Variants in COL20A1 observed in about 807,000 individuals in gnomAD.
COL20A1 encodes the protein collagen type XX alpha 1 chain.
A neutral mutation model predicts 152.9 loss-of-function variants in COL20A1; 164 were observed. That is an observed-to-expected ratio of 1.07 (90% confidence interval 0.94 to 1.22). The LOEUF is 1.22. COL20A1 is among the 50% of genes most tolerant of loss of function. COL20A1 has a pLI of 0.00. For synonymous variants in COL20A1, 864 were observed against 756.0 expected (o/e 1.14, Z -2.34); for missense variants, 1,873 against 1,744.8 (o/e 1.07, Z -1.31).
At chr20:63,321,961 C>T (rs539228701) in intron 26 of COL20A1, 97 bp from the exon 27 acceptor site, 77 of 976,056 alleles carry the variant, frequency 7.9e-5, no homozygotes, top group South Asian at 3.4e-4. Context: ...GGGCATGGGG[C>T]TCAGGGTGGG....
chr20:63,293,794 TG>T lies in COL20A1; in HGVS notation c.-11+521del, dbSNP rs1381777699. 2.0e-5 allele frequency among the ~76,000 whole-genome samples: 3 copies of T among 149,658 alleles called. No homozygotes were observed. The East Asian group carries it at 6.1e-4, about 31-fold the overall frequency. On this transcript the variant is annotated intron_variant, in intron 1 of 35. Coordinates refer to ENST00000358894, the MANE Select transcript of COL20A1 (RefSeq NM_020882.4). ...GCATGAAATCCCTGATTTAAGCCGGTGGCTTTCCCGCCGGGTGAGGCCTTTC... is the reference window on the plus strand; with the variant it reads ...GCATGAAATCCCTGATTTAAGCCGGTGCTTTCCCGCCGGGTGAGGCCTTTC...
chr20:63,303,427 C>T (rs189337966), intron 3 of COL20A1, among the ~76,000 whole-genome samples: 36 of 152,202 alleles, frequency 2.4e-4, no homozygotes, highest in African/African-American at 8.2e-4. Context: ...CGTGTTTGTG[C>T]AGGAAGCCTT....
At chr20:63,327,115 G>A (rs1267565447) in intron 31 of COL20A1, 1 of 359,244 alleles carries the variant, frequency 2.8e-6, no homozygotes, top group Non-Finnish European at 5.0e-6. Context: ...GACTGCCAGG[G>A]ACTTCCTGTT....
chr20:63,316,815 CTG>C, intron 21 of COL20A1, 124 bp downstream of exon 21: 2 of 921,072 alleles, frequency 2.2e-6, no homozygotes, highest in South Asian at 2.2e-5. Flanking sequence ...CAGGGCAGCG[CTG>C]CTATGTCAGC....
rs1324706409 is a variant in COL20A1 at position 63,297,903 on chromosome 20, T to C, written c.83-7T>C. On this transcript the variant is annotated splice_region_variant and splice_polypyrimidine_tract_variant and intron_variant, in intron 2 of 35. Coordinates refer to ENST00000358894, the MANE Select transcript of COL20A1 (RefSeq NM_020882.4). Reference sequence around the variant, plus strand: ...TCAGTCCTGACCACTATGTCCTGTTTCTGTAGCAAGCGGTCTCCTGAGGCT... The same window carrying C: ...TCAGTCCTGACCACTATGTCCTGTTCCTGTAGCAAGCGGTCTCCTGAGGCT... 1 of 1,611,888 alleles carries C rather than the reference T, an allele frequency of 6.2e-7. No individual in the cohort carries two copies. The highest frequency in any genetic ancestry group is 8.5e-7 in the Non-Finnish European group (1 of 1,178,600).
chr20:63,310,058 G>C, intron 10 of COL20A1, 143 bp downstream of exon 10: 1 of 830,328 alleles, frequency 1.2e-6, no homozygotes, highest in Non-Finnish European at 1.8e-6. Context: ...GACAGCCCAG[G>C]GACTCACTGG....
chr20:63,327,986 A>G lies in COL20A1; in HGVS notation c.3563A>G (p.Lys1188Arg), dbSNP rs1225249004. The change falls in exon 32 of 36, where the codon AAG becomes AGG. Residue 1188 changes from lysine (K) to arginine (R), a missense_variant and splice_region_variant. Lys to Arg is a conservative substitution (Grantham distance 26). Coordinates refer to ENST00000358894, the MANE Select transcript of COL20A1 (RefSeq NM_020882.4). ...GGGCCCAAAGGGGAACGAGGAGAGA[A>G]GGTAAGTGAGGCTGAGATCTTTGGC... ...LPGPKGERGEKGEPQSLATLY... is the reference protein window; with the variant it reads ...LPGPKGERGERGEPQSLATLY... The G allele has an allele frequency of 6.2e-7, 1 of 1,608,948 alleles. No homozygotes were observed. Among genetic ancestry groups the G allele is most frequent in the African/African-American group, 1.3e-5 (1 of 74,868 alleles).
At chr20:63,307,405 G>C in intron 5 of COL20A1, 85 bp from the exon 6 acceptor site, 1 of 1,344,874 alleles carries the variant, frequency 7.4e-7, no homozygotes, top group Non-Finnish European at 1.0e-6. Context: ...TCACTCTTGT[G>C]GCTGGAGCCC....
intron 3 of COL20A1, among the ~76,000 whole-genome samples, chr20:63,298,267 T>C (rs967305825): frequency 6.6e-6 from 1 of 152,192 alleles, no homozygotes; most frequent in Admixed American, 6.5e-5. Context: ...GTACATACTT[T>C]TAATTTTTTT....
At chr20:63,328,934 G>A (rs1445855388) in intron 34 of COL20A1, among the ~76,000 whole-genome samples, 4 of 152,088 alleles carry the variant, frequency 2.6e-5, no homozygotes, top group Admixed American at 6.5e-5. Context: ...GACCTTGTTG[G>A]TGCTCCTCCT....
chr20:63,319,686 C>A lies in COL20A1; in HGVS notation c.2916+90C>A. 1.2e-6 allele frequency: 1 copy of A among 836,632 alleles called. No homozygotes were observed. The highest frequency in any genetic ancestry group is 1.6e-5 in the South Asian group (1 of 63,406). The allele number at this position is 836,632 out of a possible 1,614,324, so 51.8% of individuals were successfully genotyped here. A position where few individuals can be genotyped will look rare whatever the true frequency, so the allele number is the denominator to read the frequency against. On this transcript the variant is annotated intron_variant, in intron 23 of 35. Transcript: ENST00000358894. The surrounding 1 kb of genome is among the most constrained non-coding windows in gnomAD (Gnocchi z 4.4). Reference sequence around the variant, plus strand: ...GGACCTGCCGGATGCCAACTCCTCTCCCTAGGAGAGCAGGACCTTCCTTGG... The same window carrying A: ...GGACCTGCCGGATGCCAACTCCTCTACCTAGGAGAGCAGGACCTTCCTTGG...
intron 2 of COL20A1, among the ~76,000 whole-genome samples, chr20:63,296,845 C>T (rs1170076659): frequency 6.6e-6 from 1 of 152,146 alleles, no homozygotes; most frequent in African/African-American, 2.4e-5. Flanking sequence ...GCCCCCCAGC[C>T]CCTGCTCTTC....
At chr20:63,327,564 A>G in intron 31 of COL20A1, 1 of 220,716 alleles carries the variant, frequency 4.5e-6, no homozygotes, top group South Asian at 7.8e-5. Flanking sequence ...GGAGCTGGGG[A>G]GGTGGAAGAA....
In COL20A1 at chr20:63,320,090, A is replaced by T; in HGVS notation, c.2968A>T (p.Lys990Ter). 2 of 1,554,940 alleles carry T rather than the reference A, an allele frequency of 1.3e-6. No homozygotes were observed. Among genetic ancestry groups the T allele is most frequent in the African/African-American group, 1.4e-5 (1 of 73,342 alleles). ...SKVRLYVDCRKVAERPLGEMG... is the reference protein window; with the variant it reads ...SKVRLYVDCR ...GGTCAGGCTCTATGTGGACTGCCGG[A>T]AGGTGGCTGAGCGGCCCCTTGGGGA... The change falls in exon 24 of 36, where the codon AAG becomes TAG. Residue 990 changes from lysine to a stop codon, truncating the protein, a stop_gained. Transcript: ENST00000358894. LOFTEE classifies it high-confidence loss of function.
In COL20A1 at chr20:63,309,857, G is replaced by A. The variant is rs368982947; in HGVS notation, c.1205G>A (p.Arg402Gln). The change falls in exon 10 of 36, where the codon CGG becomes CAG. Residue 402 changes from arginine to glutamine, a missense_variant. Arg to Gln is a conservative substitution (Grantham distance 43). Coordinates refer to ENST00000358894, the MANE Select transcript of COL20A1 (RefSeq NM_020882.4). ...CGCCTGTCCTGGACTCCAGCCCCCC[G>A]GCACCCCCTCAAGTATCTGATCGTT... ...SIRLSWTPAPRHPLKYLIVWR... is the reference protein window; with the variant it reads ...SIRLSWTPAPQHPLKYLIVWR... 3.0e-5 allele frequency: 48 copies of A among 1,611,522 alleles called. 1 individual carries two copies. Among genetic ancestry groups the A allele is most frequent in the South Asian group, 2.7e-4 (25 of 90,964 alleles).
At chr20:63,323,808 C>T (rs2068204663) in intron 27 of COL20A1, among the ~76,000 whole-genome samples, 1 of 152,154 alleles carries the variant, frequency 6.6e-6, no homozygotes. Flanking sequence ...TTGTATTATT[C>T]CCCCAGAATT....
In COL20A1 at chr20:63,319,699, G is replaced by A. The variant is rs2068133611; in HGVS notation, c.2916+103G>A. ...GCCAACTCCTCTCCCTAGGAGAGCA[G>A]GACCTTCCTTGGGAGGGAACATTGA... On this transcript the variant is annotated intron_variant, in intron 23 of 35. Coordinates refer to ENST00000358894, the MANE Select transcript of COL20A1 (RefSeq NM_020882.4). This position sits in a 1 kb window ranked among gnomAD's most constrained non-coding sequence, Gnocchi z 4.4. 1.4e-6 allele frequency: 1 copy of A among 733,240 alleles called. No individual in the cohort carries two copies. Among genetic ancestry groups the A allele is most frequent in the Non-Finnish European group, 2.3e-6 (1 of 439,484 alleles). The allele number at this position is 733,240 out of a possible 1,614,324, so 45.4% of individuals were successfully genotyped here. A position where few individuals can be genotyped will look rare whatever the true frequency, so the allele number is the denominator to read the frequency against.
Position 63,328,502 on chromosome 20 carries a change from C to G in COL20A1, c.3781+4C>G. 1.9e-6 allele frequency: 3 copies of G among 1,606,064 alleles called. No individual in the cohort carries two copies. The highest frequency in any genetic ancestry group is 1.7e-6 in the Non-Finnish European group (2 of 1,175,808). ...GGCCGCCACCTTGAGGGCAGAGGTA[C>G]TGGGCTCCTGGCTCTTGGGGAGGGA... is the stretch of plus-strand genomic sequence containing the variant. On this transcript the variant is annotated splice_donor_region_variant and intron_variant, in intron 34 of 35. Coordinates refer to ENST00000358894, the MANE Select transcript of COL20A1 (RefSeq NM_020882.4).
chr20:63,319,454 C>A lies in COL20A1; in HGVS notation c.2807-33C>A. On this transcript the variant is annotated intron_variant, in intron 22 of 35. Coordinates refer to ENST00000358894, the MANE Select transcript of COL20A1 (RefSeq NM_020882.4). This position sits in a 1 kb window ranked among gnomAD's most constrained non-coding sequence, Gnocchi z 4.4. ...AGGTATAGGCCCGGCTGGTTGCAGC[C>A]CGTTCTCACCTGCTCCACCCCTTCC... 1 of 1,490,898 alleles carries A rather than the reference C, an allele frequency of 6.7e-7. No individual in the cohort carries two copies. The highest frequency in any genetic ancestry group is 9.1e-7 in the Non-Finnish European group (1 of 1,093,572). 92.4% of individuals were successfully genotyped at this position (1,490,898 alleles called of 1,614,324 possible).
Sources: gnomAD v4.1 joint callset for allele counts (sites outside exome capture counted in the v4.1 genomes callset) on GRCh38, gnomAD v4.1.1 for gene constraint, Gnocchi (gnomAD v3.1) non-coding constraint, MANE v1.5 for transcripts, NCBI Gene and HGNC (gene_info 2026-07-23, HGNC 2026-07-21) for gene names.